Variants in EYS observed in about 807,000 individuals in gnomAD.
EYS encodes EGF-like photoreceptor maintenance factor, also known as protein eyes shut homolog.
In EYS, 250 loss-of-function variants were observed where a neutral mutation model predicts 282.1. That is an observed-to-expected ratio of 0.89 (90% CI 0.80 to 0.98). EYS has a LOEUF of 0.98. EYS is among the 50% of genes least tolerant of loss of function. The pLI, the probability that EYS is intolerant of heterozygous loss-of-function variation, is 0.00. For missense variants in EYS, 4,016 were observed against 3,709.0 expected, an observed-to-expected ratio of 1.08 and a Z score of -2.15; for synonymous variants, 1,355 against 1,282.9, an observed-to-expected ratio of 1.06 and a Z score of -1.20.
chr6:64,290,667 C>T (rs988551855), intron 30 of EYS, among the ~76,000 whole-genome samples: 3 of 151,820 alleles, frequency 2.0e-5, no homozygotes, highest in Non-Finnish European at 2.9e-5. Flanking sequence ...TTAGAGTCCT[C>T]TTCTTCCAGA....
intron 14 of EYS, among the ~76,000 whole-genome samples, chr6:64,967,259 A>C (rs934724361): frequency 7.2e-5 from 11 of 151,948 alleles, no homozygotes; most frequent in Admixed American, 5.3e-4. Flanking sequence ...TATTTTTACC[A>C]TTCATGGGAC....
At chr6:64,926,148 A>C (rs1768510368) in intron 15 of EYS, among the ~76,000 whole-genome samples, 1 of 152,046 alleles carries the variant, frequency 6.6e-6, no homozygotes, top group Non-Finnish European at 1.5e-5. Flanking sequence ...AGGCCACAAA[A>C]CTTTCTGCTG....
At chr6:64,256,518 CT>C (rs1453766425) in intron 30 of EYS, among the ~76,000 whole-genome samples, 5 of 151,990 alleles carry the variant, frequency 3.3e-5, no homozygotes, top group Non-Finnish European at 5.9e-5. Flanking sequence ...CTACTATTGT[CT>C]TTCAACACTA....
intron 22 of EYS, chr6:64,728,908 A>C (rs958374302): frequency 1.3e-5 from 2 of 152,310 alleles, no homozygotes; most frequent in African/African-American, 4.8e-5. Flanking sequence ...GCTGGAAAGC[A>C]GATGGAGTGG....
chr6:64,487,877 A>G (rs191868959), intron 26 of EYS, among the ~76,000 whole-genome samples: 44 of 151,196 alleles, frequency 2.9e-4, no homozygotes, highest in Non-Finnish European at 6.1e-4. Context: ...CTAGGCCTCA[A>G]GGGATATGAA....
At chr6:63,737,342 T>A (rs1281152564) in intron 41 of EYS, among the ~76,000 whole-genome samples, 2 of 152,084 alleles carry the variant, frequency 1.3e-5, no homozygotes, top group Non-Finnish European at 2.9e-5. Flanking sequence ...TCTATTGAGA[T>A]AATCATGTGG....
At chr6:65,058,101 G>A (rs1413014503) in intron 12 of EYS, among the ~76,000 whole-genome samples, 2 of 152,044 alleles carry the variant, frequency 1.3e-5, no homozygotes, top group African/African-American at 4.8e-5. Flanking sequence ...AGAAAATATT[G>A]GTGAATCAAT....
At chr6:64,666,071 A>T (rs1769219480) in intron 22 of EYS, among the ~76,000 whole-genome samples, 1 of 152,192 alleles carries the variant, frequency 6.6e-6, no homozygotes, top group Non-Finnish European at 1.5e-5. Context: ...AACAACAGAC[A>T]CTGAGGTCTA....
At chr6:65,311,827 C>T (rs1582129722) in intron 11 of EYS, among the ~76,000 whole-genome samples, 1 of 152,228 alleles carries the variant, frequency 6.6e-6, no homozygotes, top group East Asian at 1.9e-4. Flanking sequence ...GGTAGCATTA[C>T]TAAACTTAGC....
intron 36 of EYS, among the ~76,000 whole-genome samples, chr6:63,851,135 A>T (rs1161766736): frequency 6.6e-6 from 1 of 152,224 alleles, no homozygotes; most frequent in Non-Finnish European, 1.5e-5. Flanking sequence ...TATTCTAAAT[A>T]TATACGCACC....
At chr6:64,695,547 C>A (rs1351267927) in intron 22 of EYS, among the ~76,000 whole-genome samples, 1 of 151,638 alleles carries the variant, frequency 6.6e-6, no homozygotes, top group East Asian at 1.9e-4. Flanking sequence ...CTGAATGCAT[C>A]CAGAAGAAAT....
intron 22 of EYS, among the ~76,000 whole-genome samples, chr6:64,787,324 G>T (rs1774054469): frequency 6.6e-6 from 1 of 152,098 alleles, no homozygotes; most frequent in South Asian, 2.1e-4. Flanking sequence ...ATGATTGATT[G>T]TTTGGGTGGT....
chr6:64,714,280 AG>A (rs1306875793), intron 22 of EYS, among the ~76,000 whole-genome samples: 1 of 152,198 alleles, frequency 6.6e-6, no homozygotes, highest in Non-Finnish European at 1.5e-5. Context: ...AATAACCATG[AG>A]AAAAAAAGAT....
At chr6:63,730,442 G>A (rs1322319174) in intron 41 of EYS, among the ~76,000 whole-genome samples, 1 of 152,182 alleles carries the variant, frequency 6.6e-6, no homozygotes, top group African/African-American at 2.4e-5. Context: ...AGCTTTGCAT[G>A]ATTTGGCCTC....
chr6:65,299,387 C>T (rs1297371036), intron 11 of EYS, among the ~76,000 whole-genome samples: 2 of 151,942 alleles, frequency 1.3e-5, no homozygotes, highest in Non-Finnish European at 2.9e-5. Context: ...TTTTCCTTTG[C>T]ACCACATCCT....
chr6:65,691,834 A>G (rs1017082892), intron 1 of EYS, among the ~76,000 whole-genome samples: 2 of 150,422 alleles, frequency 1.3e-5, no homozygotes, highest in African/African-American at 2.4e-5. Context: ...TTTATTAAAT[A>G]GGGAACCCTT....
intron 24 of EYS, among the ~76,000 whole-genome samples, chr6:64,607,010 G>T (rs114738380): frequency 0.015 from 2,250 of 151,860 alleles, 47 homozygotes; most frequent in African/African-American, 0.052. Flanking sequence ...TTTTAATTAA[G>T]GGGGGAAAAG....
chr6:65,342,225 A>G (rs1239564385), intron 10 of EYS, among the ~76,000 whole-genome samples: 1 of 144,256 alleles, frequency 6.9e-6, no homozygotes, highest in Non-Finnish European at 1.5e-5. Flanking sequence ...CACTTCAGAA[A>G]AATTAGCCTG....
chr6:64,067,949 C>T (rs1415963091), intron 32 of EYS, among the ~76,000 whole-genome samples: 2 of 152,040 alleles, frequency 1.3e-5, no homozygotes, highest in Non-Finnish European at 2.9e-5. Context: ...AAAAATGCTG[C>T]TATGAGCATT....
Sources: allele counts gnomAD v4.1 joint callset (sites outside exome capture counted in the v4.1 genomes callset), GRCh38; gene constraint gnomAD v4.1.1; transcripts MANE v1.5; gene names NCBI Gene and HGNC (gene_info 2026-07-23, HGNC 2026-07-21).